The following INPP4B variants were observed in gnomAD, a reference collection of about 807,000 sequenced individuals.
INPP4B encodes inositol polyphosphate-4-phosphatase type II B.
INPP4B carries 55 observed loss-of-function variants against 122.5 expected under a neutral mutation model. The ratio of observed to expected loss-of-function variants is 0.45; its 90% confidence interval spans 0.36 to 0.56. The LOEUF is 0.56. Among genes scored for constraint, INPP4B ranks in the 20% least tolerant of loss-of-function variants. INPP4B has a pLI of 0.00. For synonymous variants in INPP4B, 403 were observed against 388.7 expected (o/e 1.04, Z -0.43); for missense variants, 1,000 against 1,097.7 (o/e 0.91, Z 1.26).
At chr4:142,665,377 C>G (rs1404758376) in intron 2 of INPP4B, among the ~76,000 whole-genome samples, 1 of 151,542 alleles carries the variant, frequency 6.6e-6, no homozygotes, top group African/African-American at 2.4e-5. Context: ...ACCTGTAGTC[C>G]CAGCTACTCG....
chr4:142,790,079 C>G (rs1386996968), intron 1 of INPP4B, among the ~76,000 whole-genome samples: 1 of 152,098 alleles, frequency 6.6e-6, no homozygotes, highest in Non-Finnish European at 1.5e-5. Context: ...CAAAAACCAA[C>G]ACAAGATGGA....
At chr4:142,726,435 T>C (rs1032730851) in intron 1 of INPP4B, among the ~76,000 whole-genome samples, 4 of 152,202 alleles carry the variant, frequency 2.6e-5, no homozygotes, top group Admixed American at 6.5e-5. Context: ...CCTTATGAGA[T>C]GTAATTTCAG....
chr4:142,645,525 A>C (rs2150506974), intron 2 of INPP4B, among the ~76,000 whole-genome samples: 1 of 152,274 alleles, frequency 6.6e-6, no homozygotes, highest in East Asian at 1.9e-4. Flanking sequence ...GGCCAATAGA[A>C]TGTGATGTTT....
chr4:142,188,441 C>T lies in INPP4B; in HGVS notation c.1181+4646G>A, dbSNP rs939711719. Reference sequence around the variant, plus strand: ...GGCAGAGCTTGCAGTGAGCGAAGATCGCACCACTGCACTCCAGCCTAGGCG... The same window carrying T: ...GGCAGAGCTTGCAGTGAGCGAAGATTGCACCACTGCACTCCAGCCTAGGCG... On this transcript the variant is annotated intron_variant, in intron 15 of 25. Coordinates refer to ENST00000262992, the MANE Select transcript of INPP4B (RefSeq NM_001101669.3). 4.9e-5 allele frequency among the ~76,000 whole-genome samples: 6 copies of T among 122,826 alleles called. No homozygotes were observed. The East Asian group carries it at 1.1e-3, about 22-fold the overall frequency. 80.6% of individuals were successfully genotyped at this position (122,826 alleles called of 152,430 possible). A position where few individuals can be genotyped will look rare whatever the true frequency, so the allele number is the denominator to read the frequency against.
chr4:142,460,152 G>A (rs1453346961), intron 3 of INPP4B, among the ~76,000 whole-genome samples: 1 of 152,102 alleles, frequency 6.6e-6, no homozygotes, highest in Non-Finnish European at 1.5e-5. Context: ...CAGTGACAAT[G>A]TTGAAAAAAC....
chr4:142,658,543 T>G (rs1754577138), intron 2 of INPP4B, among the ~76,000 whole-genome samples: 2 of 152,396 alleles, frequency 1.3e-5, no homozygotes, highest in South Asian at 2.1e-4. Flanking sequence ...CATGTTTGTT[T>G]GTCTCTGCCT....
intron 1 of INPP4B, among the ~76,000 whole-genome samples, chr4:142,782,440 C>T (rs1178803548): frequency 6.6e-6 from 1 of 151,836 alleles, no homozygotes; most frequent in Non-Finnish European, 1.5e-5. Context: ...CCACAATAAA[C>T]ATACGTGTGC....
At chr4:142,114,446 C>A (rs1407872492) in intron 21 of INPP4B, among the ~76,000 whole-genome samples, 1 of 151,994 alleles carries the variant, frequency 6.6e-6, no homozygotes, top group Non-Finnish European at 1.5e-5. Context: ...CCAACATTTG[C>A]TCTTATCTGA....
At chr4:142,343,240 G>T (rs1287224409) in intron 7 of INPP4B, among the ~76,000 whole-genome samples, 3 of 152,036 alleles carry the variant, frequency 2.0e-5, no homozygotes, top group African/African-American at 7.2e-5. Flanking sequence ...TATGGTCTCA[G>T]TTCATTCCTG....
At chr4:142,663,986 T>C (rs1755629132) in intron 2 of INPP4B, among the ~76,000 whole-genome samples, 3 of 152,184 alleles carry the variant, frequency 2.0e-5, no homozygotes, top group Admixed American at 1.3e-4. Flanking sequence ...ATGAAATGTA[T>C]CAGAGGAATG....
Position 142,087,719 on chromosome 4 carries a change from TC to T in INPP4B, c.2375-1464del, listed in dbSNP as rs553823281. Among the ~76,000 whole-genome samples the T allele has an allele frequency of 3.3e-3, 497 of 152,354 alleles. 3 individuals carry two copies. The highest frequency in any genetic ancestry group is 0.011 in the African/African-American group (466 of 41,594). On this transcript the variant is annotated intron_variant, in intron 23 of 25. Coordinates refer to ENST00000262992, the MANE Select transcript of INPP4B (RefSeq NM_001101669.3). ...AGTAGTAATGAGGCTTTGTACTTTT[TC>T]AAATTTGTACCAGATGTTGCAGTTT...
chr4:142,274,780 G>GA (rs1244607727), intron 9 of INPP4B, among the ~76,000 whole-genome samples: 2 of 151,560 alleles, frequency 1.3e-5, no homozygotes, highest in Non-Finnish European at 3.0e-5. Context: ...TCTACTTAAG[G>GA]AAAAAAACCA....
chr4:142,585,664 A>G (rs907731697), intron 2 of INPP4B, among the ~76,000 whole-genome samples: 1 of 152,028 alleles, frequency 6.6e-6, no homozygotes, highest in Non-Finnish European at 1.5e-5. Flanking sequence ...AGTTCCAGAA[A>G]GCTGCTCACA....
rs1205352965 is a variant in INPP4B, at chr4:142,761,751, C to A, written c.-253-35850G>T. Among the ~76,000 whole-genome samples the A allele has an allele frequency of 2.6e-5, 4 of 152,150 alleles. No individual in the cohort carries two copies. The East Asian group carries it at 7.7e-4, about 29-fold the overall frequency. ...ATCACATTAAGTAAATTACATTAGGCATTCTCTGTTAAAAGGGAACATTGG... is the reference window on the plus strand; with the variant it reads ...ATCACATTAAGTAAATTACATTAGGAATTCTCTGTTAAAAGGGAACATTGG... On this transcript the variant is annotated intron_variant, in intron 1 of 25. Transcript: ENST00000262992.
At chr4:142,504,427 T>C (rs1286712111) in intron 2 of INPP4B, among the ~76,000 whole-genome samples, 1 of 152,166 alleles carries the variant, frequency 6.6e-6, no homozygotes, top group East Asian at 1.9e-4. Context: ...GATGACTTGT[T>C]TTTTGGAAAG....
chr4:142,740,909 C>T (rs1416917478), intron 1 of INPP4B, among the ~76,000 whole-genome samples: 2 of 151,918 alleles, frequency 1.3e-5, no homozygotes, highest in Admixed American at 1.3e-4. Flanking sequence ...GGAATATAAC[C>T]TCATCTTAGA....
chr4:142,773,477 A>G (rs554898703), intron 1 of INPP4B, among the ~76,000 whole-genome samples: 6 of 152,302 alleles, frequency 3.9e-5, no homozygotes, highest in African/African-American at 1.2e-4. Context: ...GCACACACAC[A>G]AATGTACACA....
At chr4:142,744,353 A>G (rs1768351553) in intron 1 of INPP4B, among the ~76,000 whole-genome samples, 1 of 151,908 alleles carries the variant, frequency 6.6e-6, no homozygotes, top group Admixed American at 6.6e-5. Flanking sequence ...TAGTAGTCTT[A>G]GGAAGAAAAA....
Position 142,564,439 on chromosome 4 carries a change from C to CA in INPP4B, c.-190-101714dup, listed in dbSNP as rs199803105. ...AAAAATGTAGTGTCTTAAGGAATGGCAAAAAAAAAAAAAAAGAAAGAAAGA... is the reference window on the plus strand; with the variant it reads ...AAAAATGTAGTGTCTTAAGGAATGGCAAAAAAAAAAAAAAAAGAAAGAAAGA... On this transcript the variant is annotated intron_variant, in intron 2 of 25. Coordinates refer to ENST00000262992, the MANE Select transcript of INPP4B (RefSeq NM_001101669.3). Among the ~76,000 whole-genome samples the CA allele has an allele frequency of 1.1e-3, 106 of 97,868 alleles. 1 individual carries two copies. The highest frequency in any genetic ancestry group is 3.3e-3 in the African/African-American group (80 of 23,972). The allele number at this position is 97,868 out of a possible 152,430, so 64.2% of individuals were successfully genotyped here. A position where few individuals can be genotyped will look rare whatever the true frequency, so the allele number is the denominator to read the frequency against.
Sources: allele counts gnomAD v4.1 joint callset (sites outside exome capture counted in the v4.1 genomes callset), GRCh38; gene constraint gnomAD v4.1.1; transcripts MANE v1.5; gene names NCBI Gene and HGNC (gene_info 2026-07-23, HGNC 2026-07-21).